The following TCP1 variants were observed in gnomAD, a reference collection of about 807,000 sequenced individuals.
The protein encoded by TCP1 is T-complex protein 1 subunit alpha.
In TCP1, 6 loss-of-function variants were observed where a neutral mutation model predicts 54.7. The ratio of observed to expected loss-of-function variants is 0.11; its 90% CI spans 0.06 to 0.22. TCP1 has a LOEUF of 0.22. Among genes scored for constraint, TCP1 ranks in the 10% least tolerant of loss-of-function variants. The pLI is 1.00. For synonymous variants in TCP1, 225 were observed against 229.7 expected (o/e 0.98, Z 0.19); for missense variants, 511 against 678.2 (o/e 0.75, Z 2.74).
intron 1 of TCP1, chr6:159,788,570 G>A (rs1218143859): frequency 2.7e-5 from 4 of 147,306 alleles, no homozygotes; most frequent in South Asian, 4.2e-4. Flanking sequence ...ATGCGGGGTG[G>A]AATCTGATGG....
intron 7 of TCP1, among the ~76,000 whole-genome samples, chr6:159,783,570 G>A (rs748492783): frequency 6.6e-6 from 1 of 151,902 alleles, no homozygotes; most frequent in Non-Finnish European, 1.5e-5. Context: ...TTAAGTGACT[G>A]TCAGGCAGTC....
rs946237290 is a variant in TCP1, at chr6:159,788,440, G to A, written c.65-297C>T. On this transcript the variant is annotated intron_variant, in intron 1 of 11. Transcript: ENST00000321394. ...CATTTCTACAAAAAATAAAAACAAA[G>A]CCGGATGCGGCGGCGCGGACCTGTG... is the stretch of plus-strand genomic sequence containing the variant. 1.1e-4 allele frequency: 34 copies of A among 316,664 alleles called. No homozygotes were observed. The Admixed American group carries it at 1.2e-3, about 11-fold the overall frequency. 19.6% of individuals were successfully genotyped at this position (316,664 alleles called of 1,614,324 possible). A position where few individuals can be genotyped will look rare whatever the true frequency, so the allele number is the denominator to read the frequency against.
intron 1 of TCP1, chr6:159,789,198 C>T: frequency 1.8e-6 from 1 of 565,938 alleles, no homozygotes; most frequent in Non-Finnish European, 3.1e-6. Flanking sequence ...AACCCTGCCG[C>T]GCGCGGCGGG....
chr6:159,784,605 A>G, intron 6 of TCP1, 61 bp downstream of exon 6: 1 of 1,562,580 alleles, frequency 6.4e-7, no homozygotes, highest in Non-Finnish European at 8.7e-7. Context: ...CGCCCAGCCA[A>G]AAGAAAAGCT....
intron 7 of TCP1, among the ~76,000 whole-genome samples, chr6:159,782,249 C>T (rs1780594338): frequency 1.3e-5 from 2 of 150,300 alleles, no homozygotes; most frequent in Admixed American, 1.3e-4. Context: ...GTGAATAGAT[C>T]ATTCGAAGAA....
chr6:159,789,309 A>T (rs1780789727), intron 1 of TCP1, 96 bp downstream of exon 1: 13 of 1,413,188 alleles, frequency 9.2e-6, no homozygotes, highest in Middle Eastern at 1.8e-4. Flanking sequence ...CTTTCTGCGG[A>T]GGTAAAGGAG....
chr6:159,782,246 G>C (rs142675588), intron 7 of TCP1, among the ~76,000 whole-genome samples: 179 of 150,414 alleles, frequency 1.2e-3, no homozygotes, highest in Middle Eastern at 3.4e-3. Flanking sequence ...CATGTGAATA[G>C]ATCATTCGAA....
At position 159,784,787 on chromosome 6, in the gene TCP1, G is replaced by A; in HGVS notation, c.549C>T (p.Asp183=). The A allele has an allele frequency of 1.2e-6, 2 of 1,614,148 alleles. No individual in the cohort carries two copies. Among genetic ancestry groups the A allele is most frequent in the South Asian group, 1.1e-5 (1 of 91,088 alleles). Reference sequence around the variant, plus strand: ...CTGGATAGCGTGGCTGGCCTCTTATGTCTGTGTATTTAATAGCAAGTACAG... The same window carrying A: ...CTGGATAGCGTGGCTGGCCTCTTATATCTGTGTATTTAATAGCAAGTACAG... ...VDAVLAIKYT[D]IRGQPRYPVN... is the part of the protein sequence containing the mutation. The change falls in exon 6 of 12, where the codon GAC becomes GAT. Residue 183 remains aspartate (D), a synonymous_variant. Coordinates refer to ENST00000321394, the MANE Select transcript of TCP1 (RefSeq NM_030752.3).
intron 7 of TCP1, among the ~76,000 whole-genome samples, chr6:159,783,196 G>A (rs914659036): frequency 2.0e-5 from 3 of 152,098 alleles, no homozygotes; most frequent in African/African-American, 7.2e-5. Flanking sequence ...AAAGGCTCTA[G>A]AGCAGAAGGA....
chr6:159,780,205 C>T lies in TCP1; in HGVS notation c.1098-118G>A, dbSNP rs1488579341. The T allele has an allele frequency of 2.2e-6, 3 of 1,337,916 alleles. No individual in the cohort carries two copies. The South Asian group carries it at 3.6e-5, about 16-fold the overall frequency. 82.9% of individuals were successfully genotyped at this position (1,337,916 alleles called of 1,614,324 possible). Reference sequence around the variant, plus strand: ...ATAAAATAAGTCTACATAAAGTTCCCTTAAGTCCTGCCTACACAGGATATT... The same window carrying T: ...ATAAAATAAGTCTACATAAAGTTCCTTTAAGTCCTGCCTACACAGGATATT... On this transcript the variant is annotated intron_variant, in intron 9 of 11. Transcript: ENST00000321394.
chr6:159,786,024 A>T, intron 3 of TCP1, 27 bp from the exon 4 acceptor site: 34 of 1,570,160 alleles, frequency 2.2e-5, no homozygotes, highest in Non-Finnish European at 2.9e-5. Context: ...CACTGGTCTG[A>T]GTGTGCCGGA....
chr6:159,788,229 C>T, intron 1 of TCP1, 86 bp from the exon 2 acceptor site: 1 of 1,220,246 alleles, frequency 8.2e-7, no homozygotes, highest in Non-Finnish European at 1.2e-6. Context: ...AGGTAAATGA[C>T]ATCCAACAGC....
At chr6:159,780,902 AG>A (rs1780561192) in intron 8 of TCP1, 32 bp downstream of exon 8, 1 of 1,557,046 alleles carries the variant, frequency 6.4e-7, no homozygotes, top group African/African-American at 1.4e-5. Context: ...GGATAATAAA[AG>A]TATTTTATGT....
rs900091446 is a variant in TCP1 at position 159,780,104 on chromosome 6, T to C, written c.1098-17A>G. On this transcript the variant is annotated splice_polypyrimidine_tract_variant and intron_variant, in intron 9 of 11. Transcript: ENST00000321394. ...GCCTTAGTACTGTTCAAAACAAAAG[T>C]ACAATTCTTGTAATAGCATTTTTAA... The C allele has an allele frequency of 1.1e-5, 18 of 1,591,782 alleles. No individual in the cohort carries two copies. In the East Asian group the frequency reaches 3.8e-4, roughly 34 times the overall value.
intron 7 of TCP1, among the ~76,000 whole-genome samples, chr6:159,782,209 G>C (rs1780593265): frequency 6.6e-6 from 1 of 152,226 alleles, no homozygotes; most frequent in Non-Finnish European, 1.5e-5. Context: ...GGGAGATCCA[G>C]ATTTGAAGAG....
At chr6:159,785,797 G>A in intron 4 of TCP1, 103 bp downstream of exon 4, 1 of 958,450 alleles carries the variant, frequency 1.0e-6, no homozygotes, top group South Asian at 1.4e-5. Context: ...CATTTAAATT[G>A]AAGGTTTTCA....
In TCP1 at chr6:159,787,935, C is replaced by T. The variant is rs540766579; in HGVS notation, c.151-64G>A. 9.0e-5 allele frequency: 144 copies of T among 1,608,072 alleles called. 1 individual carries two copies. In the African/African-American group the frequency reaches 1.4e-3, roughly 16 times the overall value. On this transcript the variant is annotated intron_variant, in intron 2 of 11. Coordinates refer to ENST00000321394, the MANE Select transcript of TCP1 (RefSeq NM_030752.3). ...AAATCAACACAGCCCCATTATAATA[C>T]ACGTTCACCTTTAATATCACCTTCC...
chr6:159,783,592 A>G (rs548289386), intron 7 of TCP1, among the ~76,000 whole-genome samples: 274 of 152,140 alleles, frequency 1.8e-3, no homozygotes, highest in Non-Finnish European at 3.0e-3. Flanking sequence ...AATCTATAGC[A>G]ATGGTCACAC....
chr6:159,786,752 ACTAT>A (rs1234280910), intron 3 of TCP1, among the ~76,000 whole-genome samples: 3 of 152,182 alleles, frequency 2.0e-5, no homozygotes, highest in Non-Finnish European at 4.4e-5. Context: ...TTCCCCACAA[ACTAT>A]CTAGTTTCTC....
Sources: gnomAD v4.1 joint callset for allele counts (sites outside exome capture counted in the v4.1 genomes callset) on GRCh38, gnomAD v4.1.1 for gene constraint, MANE v1.5 for transcripts, NCBI Gene and HGNC (gene_info 2026-07-23, HGNC 2026-07-21) for gene names.